Variants in PTCH1 observed in about 807,000 individuals in gnomAD.
The protein encoded by PTCH1 is patched 1.
PTCH1 carries 14 observed loss-of-function variants against 144.6 expected under a neutral mutation model. The observed-to-expected ratio is 0.10, with a 90% confidence interval of 0.06 to 0.15. The LOEUF is 0.15. Among genes scored for constraint, PTCH1 ranks in the 10% least tolerant of loss-of-function variants. PTCH1 has a pLI of 1.00. For missense variants in PTCH1, 1,623 were observed against 1,948.3 expected (o/e 0.83, Z 3.14); for synonymous variants, 833 against 793.6 (o/e 1.05, Z -0.83).
rs1373431159 is a variant in PTCH1, at chr9:95,469,066, G to A, written c.1935C>T (p.Tyr645=). 3.7e-6 allele frequency: 6 copies of A among 1,614,100 alleles called. No individual in the cohort carries two copies. Among genetic ancestry groups the A allele is most frequent in the Non-Finnish European group, 5.1e-6 (6 of 1,180,036 alleles). ...TTTCATGGGCAAAGCTGTGGCTGCT[G>A]TAGGGAGGTGGGGGGCTGTAGCGGG... The part of the protein sequence containing the change: ...DNTRYSPPPP[Y]SSHSFAHETQ... Residue 645 remains tyrosine (Y), a synonymous_variant, in exon 14 of 24, where the codon TAC becomes TAT. Transcript: ENST00000331920.
At chr9:95,471,047 C>T (rs1840523984) in intron 12 of PTCH1, among the ~76,000 whole-genome samples, 1 of 151,012 alleles carries the variant, frequency 6.6e-6, no homozygotes, top group Non-Finnish European at 1.5e-5. Flanking sequence ...TGCACCACTG[C>T]ACTCCAGCCT....
chr9:95,478,938 A>G, intron 8 of PTCH1, 62 bp downstream of exon 8: 1 of 1,609,802 alleles, frequency 6.2e-7, no homozygotes. Flanking sequence ...GTTTTAAATA[A>G]TGGTGAAAAT....
At chr9:95,502,188 C>A (rs1477986962) in intron 2 of PTCH1, among the ~76,000 whole-genome samples, 1 of 152,228 alleles carries the variant, frequency 6.6e-6, no homozygotes, top group East Asian at 1.9e-4. Context: ...TCCCCTCCAG[C>A]CCCTGTGCCT....
chr9:95,467,072 C>A (rs2117938904), intron 15 of PTCH1, 44 bp downstream of exon 15: 3 of 1,588,472 alleles, frequency 1.9e-6, no homozygotes, highest in Non-Finnish European at 2.6e-6. Context: ...TGAAGCTGAA[C>A]ACGCAAAAGA....
At chr9:95,477,981 G>A in intron 9 of PTCH1, 74 bp downstream of exon 9, 1 of 1,603,034 alleles carries the variant, frequency 6.2e-7, no homozygotes, top group Non-Finnish European at 8.5e-7. Flanking sequence ...AGAAGCAGGA[G>A]CAGTCATGGA....
At chr9:95,477,518 G>A (rs745757174) in intron 10 of PTCH1, 29 bp downstream of exon 10, 161 of 1,613,870 alleles carry the variant, frequency 1.0e-4, no homozygotes, top group Non-Finnish European at 1.3e-4. Context: ...ATTTGTCAAC[G>A]GACAGCAGAT....
chr9:95,490,980 C>T (rs1255262694), intron 2 of PTCH1, among the ~76,000 whole-genome samples: 1 of 152,138 alleles, frequency 6.6e-6, no homozygotes, highest in Non-Finnish European at 1.5e-5. Flanking sequence ...ATCACATGTA[C>T]ACCACAAATA....
chr9:95,481,743 C>A (rs757115118), intron 5 of PTCH1: 3 of 597,760 alleles, frequency 5.0e-6, no homozygotes, highest in East Asian at 2.8e-5. Flanking sequence ...AATTTAATGA[C>A]GCCTACAGAA....
In PTCH1 at chr9:95,447,180, C is replaced by A. The variant is rs745451899; in HGVS notation, c.4076G>T (p.Ser1359Ile). Residue 1359 changes from serine (S) to isoleucine (I), a missense_variant, in exon 23 of 24, where the codon AGC becomes ATC. Ser to Ile is a moderately radical substitution (Grantham distance 142). This residue lies in a region of PTCH1 where 291 missense variants were observed against 287.4 expected (regional missense o/e 1.01). Transcript: ENST00000331920. ...GGGCTGGCAGTAGCCGGGCACGGAG[C>A]TGCCCATGGCAGTGGACGCTGGGTT... ...PRNPASTAMGSSVPGYCQPIT... is the reference protein window; with the variant it reads ...PRNPASTAMGISVPGYCQPIT... 1.2e-6 allele frequency: 2 copies of A among 1,613,058 alleles called. No homozygotes were observed. Among genetic ancestry groups the A allele is most frequent in the South Asian group, 2.2e-5 (2 of 91,092 alleles).
chr9:95,460,573 G>T (rs1839370812), intron 16 of PTCH1, among the ~76,000 whole-genome samples: 1 of 152,158 alleles, frequency 6.6e-6, no homozygotes, highest in South Asian at 2.1e-4. Flanking sequence ...AGTGACAGCG[G>T]CTCCTAGAGA....
chr9:95,477,985 T>G (rs186473527), intron 9 of PTCH1, 70 bp downstream of exon 9: 401 of 1,607,602 alleles, frequency 2.5e-4, no homozygotes, highest in Non-Finnish European at 3.3e-4. Context: ...GCAGGAGCAG[T>G]CATGGAAAAG....
chr9:95,507,229 G>C (rs1357015056), intron 1 of PTCH1: 1 of 985,430 alleles, frequency 1.0e-6, no homozygotes, highest in African/African-American at 1.7e-5. Flanking sequence ...TGCAACTTAC[G>C]ACAATATTTG....
In PTCH1 at chr9:95,492,642, T is replaced by G. The variant is rs1842495531; in HGVS notation, c.395-6768A>C. ...CTTATGTGTGAATATCACCCCCCCTTAAAAAAATCCAAAATCCCATACACT... is the reference window on the plus strand; with the variant it reads ...CTTATGTGTGAATATCACCCCCCCTGAAAAAAATCCAAAATCCCATACACT... On this transcript the variant is annotated intron_variant, in intron 2 of 23. Coordinates refer to ENST00000331920, the MANE Select transcript of PTCH1 (RefSeq NM_000264.5). Among the ~76,000 whole-genome samples, 2 of 151,926 alleles carry G rather than the reference T, an allele frequency of 1.3e-5. 1 individual carries two copies. The highest frequency in any genetic ancestry group is 4.2e-4 in the South Asian group (2 of 4,796).
rs747560273 is a variant in PTCH1 at position 95,461,937 on chromosome 9, C to T, written c.2622G>A (p.Lys874=). 16 of 1,614,114 alleles carry T rather than the reference C, an allele frequency of 9.9e-6. No homozygotes were observed. Among genetic ancestry groups the T allele is most frequent in the Non-Finnish European group, 1.3e-5 (15 of 1,180,054 alleles). The change falls in exon 16 of 24, where the codon AAG becomes AAA. Residue 874 remains lysine (K), a synonymous_variant. Transcript: ENST00000331920. ...CAAGGACTCCATCGTCTGATCCATT[C>T]TTGTAATTGTTTGGCATGATTTTCC... ...ETGKIMPNNY[K]NGSDDGVLAY...
At chr9:95,480,188 G>T in intron 6 of PTCH1, 98 bp from the exon 7 acceptor site, 1 of 1,583,614 alleles carries the variant, frequency 6.3e-7, no homozygotes. Flanking sequence ...GTTTCAGAGA[G>T]AACATTAATA....
intron 13 of PTCH1, 166 bp from the exon 14 acceptor site, chr9:95,469,319 T>C (rs1840347355): frequency 1.1e-6 from 1 of 951,652 alleles, no homozygotes; most frequent in Non-Finnish European, 1.6e-6. Flanking sequence ...GTTGATAACA[T>C]CACCTGGTTC....
At chr9:95,473,128 C>T (rs1840723649) in intron 12 of PTCH1, among the ~76,000 whole-genome samples, 1 of 152,158 alleles carries the variant, frequency 6.6e-6, no homozygotes, top group African/African-American at 2.4e-5. Context: ...TAGTTAATTA[C>T]AAAGAATTAC....
chr9:95,469,524 A>C lies in PTCH1; in HGVS notation c.1847+289T>G, dbSNP rs536312827. 2.6e-5 allele frequency among the ~76,000 whole-genome samples: 4 copies of C among 152,290 alleles called. No individual in the cohort carries two copies. The South Asian group carries it at 6.2e-4, about 24-fold the overall frequency. ...AATCTTGTTCTGCTCTAATGCAGAG[A>C]TATGAAACATTCCTACAATCGGCAA... On this transcript the variant is annotated intron_variant, in intron 13 of 23. Transcript: ENST00000331920.
intron 18 of PTCH1, 92 bp downstream of exon 18, chr9:95,457,921 A>G: frequency 3.3e-6 from 5 of 1,521,920 alleles, no homozygotes; most frequent in Non-Finnish European, 3.6e-6. Flanking sequence ...ACCCTCCTCC[A>G]GAGGCCCAGA....
Sources: allele counts gnomAD v4.1 joint callset (sites outside exome capture counted in the v4.1 genomes callset), GRCh38; gene constraint gnomAD v4.1.1; regional missense constraint gnomAD v4.1.1; transcripts MANE v1.5; gene names NCBI Gene and HGNC (gene_info 2026-07-23, HGNC 2026-07-21).